Variants in ARK2N observed in about 807,000 individuals in gnomAD.
ARK2N encodes protein ARK2N.
chr18:46,215,769 A>C, the ARK2N span: 1 of 1,070,134 alleles, frequency 9.3e-7, no homozygotes, highest in Non-Finnish European at 1.4e-6. Flanking sequence ...TTGACTAAAT[A>C]ATCTGGCATT....
chr18:46,253,645 T>C, the ARK2N span: 8 of 1,576,816 alleles, frequency 5.1e-6, no homozygotes, highest in South Asian at 2.3e-5. Context: ...TTCCACTGTT[T>C]GTGAGGAATA....
chr18:46,214,865 G>T, the ARK2N span, among the ~76,000 whole-genome samples: 73 of 152,282 alleles, frequency 4.8e-4, 1 homozygote, highest in South Asian at 0.015. Context: ...GTGGGAGCTA[G>T]GTAGGATTGA....
the ARK2N span, among the ~76,000 whole-genome samples, chr18:46,200,288 A>G: frequency 6.6e-6 from 1 of 152,110 alleles, no homozygotes; most frequent in East Asian, 1.9e-4. Flanking sequence ...CAGATGTCAC[A>G]GGTTACAGTT....
chr18:46,200,361 G>T, the ARK2N span, among the ~76,000 whole-genome samples: 11 of 152,166 alleles, frequency 7.2e-5, no homozygotes, highest in Admixed American at 2.0e-4. Context: ...AGGCTGGAGC[G>T]CAGTGGCGCA....
the ARK2N span, among the ~76,000 whole-genome samples, chr18:46,187,040 G>A: frequency 1.3e-5 from 2 of 150,870 alleles, no homozygotes; most frequent in Admixed American, 6.6e-5. Flanking sequence ...TTTTGTTAGA[G>A]ACGGGGTTTC....
the ARK2N span, among the ~76,000 whole-genome samples, chr18:46,175,851 G>A: frequency 6.6e-6 from 1 of 152,230 alleles, no homozygotes; most frequent in African/African-American, 2.4e-5. Flanking sequence ...AACTTTTTGT[G>A]GAAAATAGGA....
the ARK2N span, among the ~76,000 whole-genome samples, chr18:46,226,923 T>G: frequency 6.6e-6 from 1 of 151,562 alleles, no homozygotes; most frequent in Non-Finnish European, 1.5e-5. Flanking sequence ...TTCTCCTGCC[T>G]CAGCCTCCCA....
chr18:46,228,281 ATTAAT>A, the ARK2N span, among the ~76,000 whole-genome samples: 11 of 152,314 alleles, frequency 7.2e-5, no homozygotes, highest in East Asian at 7.7e-4. Context: ...GTAAGAAAAT[ATTAAT>A]TTAATTTCAT....
chr18:46,210,506 A>C, the ARK2N span, among the ~76,000 whole-genome samples: 2 of 152,192 alleles, frequency 1.3e-5, no homozygotes, highest in Admixed American at 1.3e-4. Context: ...CAAAATCTAA[A>C]TACAGATGTC....
At chr18:46,199,136 T>C in the ARK2N span, among the ~76,000 whole-genome samples, 1 of 152,104 alleles carries the variant, frequency 6.6e-6, no homozygotes, top group Non-Finnish European at 1.5e-5. Context: ...AAATTAAATT[T>C]GAAACTTGCC....
At chr18:46,216,762 C>G in the ARK2N span, 4 of 614,392 alleles carry the variant, frequency 6.5e-6, no homozygotes, top group Middle Eastern at 4.4e-4. This position sits in a 1 kb window ranked among gnomAD's most constrained non-coding sequence, Gnocchi z 4.3. Context: ...AAAACCTGTT[C>G]TGAGGTTTCC....
At chr18:46,228,508 A>G in the ARK2N span, among the ~76,000 whole-genome samples, 1 of 152,198 alleles carries the variant, frequency 6.6e-6, no homozygotes, top group African/African-American at 2.4e-5. Flanking sequence ...TTATTGAATA[A>G]TCAGGCAAGA....
chr18:46,203,009 G>GA, the ARK2N span, among the ~76,000 whole-genome samples: 1 of 152,004 alleles, frequency 6.6e-6, no homozygotes, highest in African/African-American at 2.4e-5. Context: ...GGTAAAGCAT[G>GA]AAAAAAACAG....
the ARK2N span, among the ~76,000 whole-genome samples, chr18:46,252,603 T>A: frequency 2.2e-4 from 33 of 152,148 alleles, 1 homozygote; most frequent in Admixed American, 2.2e-3. Context: ...AGATTAGGTG[T>A]TGTGTAGATT....
chr18:46,188,700 G>C, the ARK2N span, among the ~76,000 whole-genome samples: 1 of 152,144 alleles, frequency 6.6e-6, no homozygotes, highest in Non-Finnish European at 1.5e-5. Flanking sequence ...ATTTTGAAAT[G>C]TCAACTTATC....
the ARK2N span, among the ~76,000 whole-genome samples, chr18:46,191,717 G>A: frequency 6.6e-6 from 1 of 152,132 alleles, no homozygotes; most frequent in South Asian, 2.1e-4. Context: ...CACTGTTGGT[G>A]TTGTACATTG....
At chr18:46,212,095 C>A in the ARK2N span, among the ~76,000 whole-genome samples, 2 of 152,046 alleles carry the variant, frequency 1.3e-5, no homozygotes, top group African/African-American at 4.8e-5. Flanking sequence ...CTTTCTGTGA[C>A]TTTTTTCTCC....
At chr18:46,251,942 A>G in the ARK2N span, among the ~76,000 whole-genome samples, 1 of 152,296 alleles carries the variant, frequency 6.6e-6, no homozygotes, top group East Asian at 1.9e-4. Flanking sequence ...CTGTAATCCC[A>G]GCACTTTGGG....
chr18:46,210,473 AT>A, the ARK2N span, among the ~76,000 whole-genome samples: 1 of 152,190 alleles, frequency 6.6e-6, no homozygotes. Flanking sequence ...GGATTTGAAT[AT>A]GATGTGATTG....
Sources: allele counts gnomAD v4.1 joint callset (sites outside exome capture counted in the v4.1 genomes callset), GRCh38; gene constraint gnomAD v4.1.1; non-coding constraint Gnocchi (gnomAD v3.1); transcripts MANE v1.5; gene names NCBI Gene and HGNC (gene_info 2026-07-23, HGNC 2026-07-21).